The following NARS2 variants were observed in gnomAD, a reference collection of about 807,000 sequenced individuals.
NARS2 encodes asparaginyl-tRNA synthetase.
Under a neutral mutation model 62.9 loss-of-function variants are expected in NARS2, and 60 were observed. The ratio of observed to expected loss-of-function variants is 0.95; its 90% CI spans 0.77 to 1.18. The LOEUF (loss-of-function observed/expected upper bound fraction) is 1.18. Ranked by LOEUF, NARS2 falls within the 50% of genes most tolerant of loss-of-function variation. The pLI is 0.00. For missense variants in NARS2, 619 were observed against 576.4 expected (o/e 1.07, Z -0.76); for synonymous variants, 196 against 200.0 (o/e 0.98, Z 0.17).
At chr11:78,461,783 C>CAAAAA (rs56753439) in intron 11 of NARS2, among the ~76,000 whole-genome samples, 1 of 93,106 alleles carries the variant, frequency 1.1e-5, no homozygotes, top group Non-Finnish European at 2.6e-5. Context: ...GTACCCACTA[C>CAAAAA]AAAAAAAAAA....
At chr11:78,572,453 T>C (rs933628915) in intron 1 of NARS2, among the ~76,000 whole-genome samples, 1 of 152,228 alleles carries the variant, frequency 6.6e-6, no homozygotes, top group Non-Finnish European at 1.5e-5. Context: ...AATTTCTTAC[T>C]TCAAAGTTCA....
At chr11:78,461,602 T>TAAAAAAAAAAAAA (rs59664343) in intron 11 of NARS2, among the ~76,000 whole-genome samples, 1 of 64,086 alleles carries the variant, frequency 1.6e-5, no homozygotes, top group African/African-American at 6.1e-5. Context: ...GCTGTGCTGG[T>TAAAAAAAAAAAAA]AAAAAAAAAA....
chr11:78,571,307 A>T (rs1244065004), intron 2 of NARS2, 28 bp downstream of exon 2: 1 of 1,481,854 alleles, frequency 6.7e-7, no homozygotes, highest in Non-Finnish European at 9.4e-7. Context: ...ACAAAAATCA[A>T]AGAATTCTTT....
At chr11:78,535,096 A>G (rs767367516) in intron 5 of NARS2, among the ~76,000 whole-genome samples, 23 of 152,266 alleles carry the variant, frequency 1.5e-4, no homozygotes, top group Non-Finnish European at 2.6e-4. Context: ...GAACTTTTTA[A>G]TAAGTAGAAC....
intron 9 of NARS2, among the ~76,000 whole-genome samples, chr11:78,472,428 G>C (rs888489125): frequency 7.2e-5 from 11 of 151,916 alleles, no homozygotes; most frequent in Admixed American, 7.2e-4. Context: ...GTCATCCTTC[G>C]CCTCAAATTC....
intron 4 of NARS2, among the ~76,000 whole-genome samples, chr11:78,562,493 G>A (rs886494779): frequency 4.6e-5 from 7 of 152,162 alleles, no homozygotes; most frequent in Non-Finnish European, 1.0e-4. Flanking sequence ...CTGCCATACA[G>A]AGAAGAACAA....
chr11:78,512,413 G>A (rs1175721528), intron 6 of NARS2, among the ~76,000 whole-genome samples: 1 of 152,112 alleles, frequency 6.6e-6, no homozygotes, highest in African/African-American at 2.4e-5. Flanking sequence ...GGTTCTCCAG[G>A]ACCCAGAGGC....
At chr11:78,544,038 A>AAAAC (rs1429635085) in intron 5 of NARS2, among the ~76,000 whole-genome samples, 14 of 151,338 alleles carry the variant, frequency 9.3e-5, no homozygotes, top group Admixed American at 6.6e-4. Flanking sequence ...AAAAAAAAAA[A>AAAAC]AACTCTCTCT....
intron 6 of NARS2, among the ~76,000 whole-genome samples, chr11:78,522,711 A>G (rs953824637): frequency 6.6e-6 from 1 of 152,234 alleles, no homozygotes; most frequent in Non-Finnish European, 1.5e-5. Flanking sequence ...GGCAAAAAAG[A>G]TGGCCACTCT....
At chr11:78,539,576 A>C (rs2135456981) in intron 5 of NARS2, among the ~76,000 whole-genome samples, 1 of 152,352 alleles carries the variant, frequency 6.6e-6, no homozygotes, top group East Asian at 1.9e-4. Flanking sequence ...CAGAAACAGA[A>C]CCTGGAGATA....
At chr11:78,441,772 AC>A (rs1218518143) in intron 12 of NARS2, among the ~76,000 whole-genome samples, 1 of 152,090 alleles carries the variant, frequency 6.6e-6, no homozygotes, top group Non-Finnish European at 1.5e-5. Context: ...GGAGGCACAC[AC>A]AGACAAGGGA....
At chr11:78,566,384 C>T in intron 3 of NARS2, 112 bp from the exon 4 acceptor site, 16 of 813,714 alleles carry the variant, frequency 2.0e-5, no homozygotes, top group Non-Finnish European at 2.9e-5. Flanking sequence ...AGATCCTTTC[C>T]TTCTTTATTT....
At chr11:78,451,431 A>G (rs1373021551) in intron 11 of NARS2, among the ~76,000 whole-genome samples, 1 of 152,224 alleles carries the variant, frequency 6.6e-6, no homozygotes, top group African/African-American at 2.4e-5. Context: ...AATTACACAA[A>G]TTTCTTGGAG....
chr11:78,453,726 T>C (rs543274794), intron 11 of NARS2, among the ~76,000 whole-genome samples: 143 of 152,350 alleles, frequency 9.4e-4, no homozygotes, highest in Non-Finnish European at 1.7e-3. Context: ...TTTGTGGTTT[T>C]TGCTGTAACT....
intron 4 of NARS2, among the ~76,000 whole-genome samples, chr11:78,563,810 AAC>A (rs1246453229): frequency 8.2e-6 from 1 of 121,716 alleles, no homozygotes; most frequent in Admixed American, 8.2e-5. Flanking sequence ...CAGCCTGGGC[AAC>A]AGAGTGAACT....
chr11:78,548,740 G>C (rs188438603), intron 5 of NARS2, among the ~76,000 whole-genome samples: 7 of 152,146 alleles, frequency 4.6e-5, no homozygotes, highest in Non-Finnish European at 1.0e-4. Flanking sequence ...TGACATGACA[G>C]TGTGGGGAGC....
chr11:78,449,036 TTTTCTCTC>T, intron 11 of NARS2, among the ~76,000 whole-genome samples: 1 of 152,146 alleles, frequency 6.6e-6, no homozygotes, highest in Middle Eastern at 3.2e-3. Flanking sequence ...CCACACTGAC[TTTTCTCTC>T]TGGCTTTTAT....
chr11:78,466,000 A>G lies in NARS2; in HGVS notation c.1040T>C (p.Leu347Pro), dbSNP rs1858605131. ...FTFTPEWGADLRTEHEKYLVK... is the reference protein window; with the variant it reads ...FTFTPEWGADPRTEHEKYLVK... ...CAGGTACTTTTCATGTTCAGTCCGT[A>G]GGTCAGCACCCCACTGTAATGAGAA... is the stretch of plus-strand genomic sequence containing the variant. Residue 347 changes from leucine to proline, a missense_variant, in exon 11 of 14, where the codon CTA becomes CCA. By Grantham distance (98) the Leu-to-Pro change is moderately conservative. Transcript: ENST00000281038. 1 of 1,607,782 alleles carries G rather than the reference A, an allele frequency of 6.2e-7. No homozygotes were observed. Among genetic ancestry groups the G allele is most frequent in the Non-Finnish European group, 8.5e-7 (1 of 1,177,472 alleles).
intron 6 of NARS2, among the ~76,000 whole-genome samples, chr11:78,528,009 C>T (rs1456423119): frequency 6.6e-6 from 1 of 152,064 alleles, no homozygotes; most frequent in Non-Finnish European, 1.5e-5. Flanking sequence ...ACTTGGGAGG[C>T]CTAAGGCAGG....
Sources: allele counts gnomAD v4.1 joint callset (sites outside exome capture counted in the v4.1 genomes callset), GRCh38; gene constraint gnomAD v4.1.1; transcripts MANE v1.5; gene names NCBI Gene and HGNC (gene_info 2026-07-23, HGNC 2026-07-21).